PSG3: variants seen among roughly 807,000 people sequenced by gnomAD.
PSG3 encodes the protein pregnancy-specific beta-1-glycoprotein 3.
In PSG3, 61 loss-of-function variants were observed where a neutral mutation model predicts 47.5. The observed-to-expected ratio is 1.28, with a 90% CI of 1.05 to 1.59. The LOEUF (loss-of-function observed/expected upper bound fraction) is 1.59. PSG3 is among the 40% of genes most tolerant of loss of function. The pLI is 0.00. For synonymous variants in PSG3, 263 were observed against 198.4 expected, an observed-to-expected ratio of 1.33 and a Z score of -2.74; for missense variants, 756 against 524.0, an observed-to-expected ratio of 1.44 and a Z score of -4.32.
chr19:42,738,953 C>T lies in PSG3; in HGVS notation c.201G>A (p.Trp67Ter), dbSNP rs955597504. 3.7e-6 allele frequency: 6 copies of T among 1,613,962 alleles called. No homozygotes were observed. The African/African-American group carries it at 5.3e-5, about 14-fold the overall frequency. ...AGAGGTCCTTCATTTGCCCTTTGTA[C>T]CAGATGTAGCCAGCAAGATTCTGGG... Reference protein sequence around the residue: ...NLPQNLAGYIWYKGQMKDLYH... With the variant: ...NLPQNLAGYI The change falls in exon 2 of 7, where the codon TGG becomes TGA. Residue 67 changes from tryptophan to a stop codon, truncating the protein, a stop_gained. Coordinates refer to ENST00000327495, the MANE Select transcript of PSG3 (RefSeq NM_021016.4). LOFTEE classifies it high-confidence loss of function.
intron 5 of PSG3, among the ~76,000 whole-genome samples, chr19:42,728,766 C>A (rs932786466): frequency 1.3e-5 from 2 of 152,136 alleles, no homozygotes; most frequent in African/African-American, 4.8e-5. Context: ...AGAATAGGTA[C>A]AAGAAAACAA....
chr19:42,725,779 A>G (rs369478297), intron 5 of PSG3, among the ~76,000 whole-genome samples: 26 of 151,508 alleles, frequency 1.7e-4, no homozygotes, highest in East Asian at 9.7e-4. Context: ...AAGGAGAATT[A>G]CTTGAGCCCA....
intron 5 of PSG3, among the ~76,000 whole-genome samples, chr19:42,726,004 T>C (rs1969372715): frequency 6.6e-6 from 1 of 151,564 alleles, no homozygotes; most frequent in Non-Finnish European, 1.5e-5. Context: ...TTGGATAACC[T>C]AGATGAAGTA....
chr19:42,733,081 G>A lies in PSG3; in HGVS notation c.431-19C>T, dbSNP rs779969853. 19 of 1,610,856 alleles carry A rather than the reference G, an allele frequency of 1.2e-5. No homozygotes were observed. In the African/African-American group the frequency reaches 2.1e-4, roughly 18 times the overall value. On this transcript the variant is annotated intron_variant, in intron 2 of 6. Transcript: ENST00000327495. ...GTCTCCACTGTGCAGAAAACAGAGA[G>A]AAGATTGCCCTGTGTGGCACCTTTG...
At chr19:42,740,252 T>G in intron 1 of PSG3, 69 bp downstream of exon 1, 1 of 1,613,120 alleles carries the variant, frequency 6.2e-7, no homozygotes, top group East Asian at 2.2e-5. Context: ...CCCAGGAGTC[T>G]CTCCAGGAGA....
At chr19:42,736,793 A>T (rs763137563) in intron 2 of PSG3, among the ~76,000 whole-genome samples, 27 of 152,132 alleles carry the variant, frequency 1.8e-4, no homozygotes, top group Non-Finnish European at 2.5e-4. Flanking sequence ...GTGGAAACTC[A>T]TTCTCTTAGT....
rs762734714 is a variant in PSG3, at chr19:42,732,783, C to T, written c.709+1G>A. The T allele has an allele frequency of 6.4e-5, 104 of 1,613,962 alleles. No individual in the cohort carries two copies. The highest frequency in any genetic ancestry group is 1.2e-4 in the Admixed American group (7 of 60,000). On this transcript the variant is annotated splice_donor_variant, in intron 3 of 6. Transcript: ENST00000327495. LOFTEE classifies it high-confidence loss of function. ...CTCACAGAGGAACAGGAGATACTCA[C>T]GGAGGAGATTCAGGGTGACTGGGTC...
intron 2 of PSG3, among the ~76,000 whole-genome samples, chr19:42,737,952 T>C (rs1969593990): frequency 6.6e-6 from 1 of 152,248 alleles, no homozygotes; most frequent in African/African-American, 2.4e-5. Flanking sequence ...CATTTATTAT[T>C]AATTTGCTTC....
intron 5 of PSG3, among the ~76,000 whole-genome samples, chr19:42,724,248 T>C (rs770728072): frequency 7.2e-5 from 11 of 152,180 alleles, no homozygotes; most frequent in South Asian, 2.1e-4. Flanking sequence ...TTCTCTACTG[T>C]GCTCAGATAT....
chr19:42,740,027 A>G (rs563918056), intron 1 of PSG3, among the ~76,000 whole-genome samples: 50 of 150,436 alleles, frequency 3.3e-4, no homozygotes, highest in Admixed American at 1.5e-3. Flanking sequence ...ATCTCGGCTC[A>G]CTGCAATTTC....
intron 2 of PSG3, 82 bp downstream of exon 2, chr19:42,738,642 C>A: frequency 1.9e-6 from 3 of 1,610,512 alleles, no homozygotes; most frequent in South Asian, 2.2e-5. Flanking sequence ...GGGACACAGG[C>A]ACAATCCAGG....
chr19:42,729,654 C>T (rs1000197508), intron 4 of PSG3, 124 bp downstream of exon 4: 65 of 1,545,170 alleles, frequency 4.2e-5, no homozygotes, highest in Non-Finnish European at 5.6e-5. Flanking sequence ...GAAGTTATGG[C>T]CAGCTCGGAT....
At chr19:42,739,686 G>A (rs77350625) in intron 1 of PSG3, among the ~76,000 whole-genome samples, 66 of 151,546 alleles carry the variant, frequency 4.4e-4, no homozygotes, top group Non-Finnish European at 7.4e-4. Flanking sequence ...TCTTCCCCCA[G>A]TTGTTGAGGT....
chr19:42,729,838 A>T lies in PSG3; in HGVS notation c.928T>A (p.Cys310Ser), dbSNP rs1422651867. 2.5e-6 allele frequency: 4 copies of T among 1,613,536 alleles called. No individual in the cohort carries two copies. The highest frequency in any genetic ancestry group is 3.4e-6 in the Non-Finnish European group (4 of 1,179,854). The change falls in exon 4 of 7, where the codon TGT becomes AGT. Residue 310 changes from cysteine to serine, a missense_variant. Transcript: ENST00000327495. Reference sequence around the variant, plus strand: ...CCACCATATCGGTCCTGTATTTCACATTGATAGGGTCCTGTTTCATTTCTC... The same window carrying T: ...CCACCATATCGGTCCTGTATTTCACTTTGATAGGGTCCTGTTTCATTTCTC... ...VTRNETGPYQ[C>S]EIQDRYGGIR... is the part of the protein sequence containing the mutation.
Position 42,729,214 on chromosome 19 carries a change from A to G in PSG3, c.1152T>C (p.Ile384=). Residue 384 remains isoleucine (I), a synonymous_variant, in exon 5 of 7, where the codon ATT becomes ATC. Transcript: ENST00000327495. ...CATAGAGCCCGCTATGCTTTGTAGT[A>G]ATCTGGGGGATAAAGAGCTTTTGTC... ...LSGQKLFIPQ[I]TTKHSGLYAC... The G allele has an allele frequency of 1.9e-6, 3 of 1,614,028 alleles. No homozygotes were observed. Among genetic ancestry groups the G allele is most frequent in the Non-Finnish European group, 2.5e-6 (3 of 1,179,888 alleles).
At chr19:42,738,646 A>T in intron 2 of PSG3, 78 bp downstream of exon 2, 1 of 1,610,990 alleles carries the variant, frequency 6.2e-7, no homozygotes, top group Admixed American at 1.7e-5. Flanking sequence ...CACAGGCACA[A>T]TCCAGGCCTG....
At chr19:42,731,510 G>T (rs898630631) in intron 3 of PSG3, among the ~76,000 whole-genome samples, 5 of 152,074 alleles carry the variant, frequency 3.3e-5, no homozygotes, top group African/African-American at 1.2e-4. Flanking sequence ...GAAGGCCTTG[G>T]GATGTGAGAA....
intron 2 of PSG3, among the ~76,000 whole-genome samples, 184 bp downstream of exon 2, chr19:42,738,540 C>T (rs180769545): frequency 1.1e-4 from 16 of 152,254 alleles, no homozygotes; most frequent in South Asian, 2.1e-4. Flanking sequence ...GGTCTGGATG[C>T]GGGAAAGGAA....
intron 2 of PSG3, among the ~76,000 whole-genome samples, chr19:42,736,387 G>T (rs1969562782): frequency 6.6e-6 from 1 of 152,148 alleles, no homozygotes; most frequent in Non-Finnish European, 1.5e-5. Flanking sequence ...CTACCTAGAG[G>T]TGGATTCAAG....
Sources: gnomAD v4.1 joint callset for allele counts (sites outside exome capture counted in the v4.1 genomes callset) on GRCh38, gnomAD v4.1.1 for gene constraint, MANE v1.5 for transcripts, NCBI Gene and HGNC (gene_info 2026-07-23, HGNC 2026-07-21) for gene names.